The following METTL15 variants were observed in gnomAD, a reference collection of about 807,000 sequenced individuals.
METTL15 encodes 12S rRNA N(4)-cytidine methyltransferase METTL15.
METTL15 carries 34 observed loss-of-function variants against 38.3 expected under a neutral mutation model. The ratio of observed to expected loss-of-function variants is 0.89; its 90% confidence interval spans 0.68 to 1.18. The LOEUF (loss-of-function observed/expected upper bound fraction) is 1.18, where lower values mean the gene tolerates loss of function less well. Among genes scored for constraint, METTL15 ranks in the 50% most tolerant of loss-of-function variants. The pLI, the probability that METTL15 is intolerant of heterozygous loss-of-function variation, is 0.00. For synonymous variants in METTL15, 162 were observed against 170.9 expected (o/e 0.95, Z 0.41); for missense variants, 438 against 498.4 (o/e 0.88, Z 1.15).
intron 3 of METTL15, chr11:28,197,330 T>G (rs1258638631): frequency 4.6e-6 from 1 of 215,434 alleles, no homozygotes; most frequent in Non-Finnish European, 9.9e-6. Flanking sequence ...GCTAAATTAC[T>G]TTAGGATTTA....
chr11:28,140,967 T>A (rs1342846301), intron 3 of METTL15, among the ~76,000 whole-genome samples: 1 of 152,224 alleles, frequency 6.6e-6, no homozygotes, highest in Non-Finnish European at 1.5e-5. Flanking sequence ...TGCCTGAAGC[T>A]GGCTAACTCC....
chr11:28,300,619 A>G (rs899549915), intron 6 of METTL15, among the ~76,000 whole-genome samples: 9 of 152,178 alleles, frequency 5.9e-5, no homozygotes, highest in Non-Finnish European at 1.3e-4. Context: ...AGTAATTTAT[A>G]AGCAACTTAC....
chr11:28,143,515 A>G (rs1448669459), intron 3 of METTL15, among the ~76,000 whole-genome samples: 1 of 152,108 alleles, frequency 6.6e-6, no homozygotes, highest in Non-Finnish European at 1.5e-5. Context: ...GGCTAGTTTT[A>G]TTCTAATTCA....
At chr11:28,327,074 A>G (rs1020115626) in intron 6 of METTL15, among the ~76,000 whole-genome samples, 3 of 152,182 alleles carry the variant, frequency 2.0e-5, no homozygotes, top group African/African-American at 4.8e-5. Context: ...AGTTTAACCT[A>G]TCTAAAATAA....
intron 3 of METTL15, among the ~76,000 whole-genome samples, chr11:28,157,444 C>G (rs1312587638): frequency 6.6e-6 from 1 of 152,096 alleles, no homozygotes; most frequent in African/African-American, 2.4e-5. Flanking sequence ...TTTGGCAGGC[C>G]CCCCATAGGT....
intron 6 of METTL15, among the ~76,000 whole-genome samples, chr11:28,480,263 A>G (rs537771611): frequency 2.3e-4 from 35 of 152,280 alleles, no homozygotes; most frequent in African/African-American, 7.9e-4. Context: ...GCCATTTTCT[A>G]TGTTGTAAAT....
intron 3 of METTL15, among the ~76,000 whole-genome samples, chr11:28,132,268 T>G (rs1849363528): frequency 6.6e-6 from 1 of 152,150 alleles, no homozygotes; most frequent in Non-Finnish European, 1.5e-5. Context: ...AATGGAATAG[T>G]ATAATGGTCT....
intron 3 of METTL15, among the ~76,000 whole-genome samples, chr11:28,199,047 C>T (rs1712637735): frequency 6.6e-6 from 1 of 151,506 alleles, no homozygotes; most frequent in Non-Finnish European, 1.5e-5. Flanking sequence ...TAACACTGAC[C>T]TTACTAATTA....
At chr11:28,500,586 G>A (rs1272403720) in intron 6 of METTL15, among the ~76,000 whole-genome samples, 4 of 151,472 alleles carry the variant, frequency 2.6e-5, no homozygotes, top group Non-Finnish European at 4.4e-5. Context: ...AGGCTGGAGT[G>A]CAATGGCGAG....
intron 3 of METTL15, among the ~76,000 whole-genome samples, chr11:28,209,836 C>G (rs1355124833): frequency 6.6e-6 from 1 of 151,954 alleles, no homozygotes; most frequent in Non-Finnish European, 1.5e-5. Flanking sequence ...ACAGGAATTT[C>G]CCTTGTTATG....
chr11:28,244,038 GT>G (rs1854412284), intron 4 of METTL15, among the ~76,000 whole-genome samples: 1 of 152,070 alleles, frequency 6.6e-6, no homozygotes, highest in African/African-American at 2.4e-5. Context: ...CAAAACAGAT[GT>G]TTTTTAAAGT....
chr11:28,515,807 A>G (rs953503057), intron 6 of METTL15, among the ~76,000 whole-genome samples: 1 of 152,262 alleles, frequency 6.6e-6, no homozygotes, highest in Non-Finnish European at 1.5e-5. Context: ...CAGGCAAGAC[A>G]CATATTTCCC....
chr11:28,132,813 AT>A (rs1316014838), intron 3 of METTL15, among the ~76,000 whole-genome samples: 6 of 152,010 alleles, frequency 3.9e-5, no homozygotes, highest in Non-Finnish European at 8.8e-5. Flanking sequence ...AAAATCTTCT[AT>A]TTTCCCCACT....
At chr11:28,450,438 A>T (rs144128541) in intron 6 of METTL15, among the ~76,000 whole-genome samples, 1 of 152,240 alleles carries the variant, frequency 6.6e-6, no homozygotes, top group African/African-American at 2.4e-5. Context: ...ATATGATAAT[A>T]CTAATCTCAC....
intron 6 of METTL15, among the ~76,000 whole-genome samples, chr11:28,329,775 C>G (rs938327717): frequency 6.6e-6 from 1 of 152,046 alleles, no homozygotes; most frequent in Non-Finnish European, 1.5e-5. Context: ...AGTGGATTGT[C>G]TCACTTTTTA....
intron 4 of METTL15, among the ~76,000 whole-genome samples, chr11:28,358,746 A>C (rs1850111070): frequency 1.3e-5 from 2 of 152,210 alleles, no homozygotes; most frequent in Admixed American, 6.5e-5. Context: ...CTAGCATGGA[A>C]TCTCACACAG....
intron 5 of METTL15, among the ~76,000 whole-genome samples, chr11:28,383,580 C>A (rs1376636917): frequency 2.6e-5 from 4 of 152,160 alleles, no homozygotes; most frequent in African/African-American, 9.6e-5. Flanking sequence ...TACATTCCCA[C>A]CAGCAGTGTG....
At chr11:28,512,886 G>T (rs183771869) in intron 6 of METTL15, among the ~76,000 whole-genome samples, 17 of 152,316 alleles carry the variant, frequency 1.1e-4, no homozygotes, top group Non-Finnish European at 5.9e-5. Flanking sequence ...CCAGCATGCT[G>T]TCACCTCTCA....
At chr11:28,404,323 G>T (rs1365118363) in intron 5 of METTL15, among the ~76,000 whole-genome samples, 1 of 151,950 alleles carries the variant, frequency 6.6e-6, no homozygotes, top group African/African-American at 2.4e-5. Flanking sequence ...CTATAACAAA[G>T]TATACCCTAA....
Sources: gnomAD v4.1 joint callset for allele counts (sites outside exome capture counted in the v4.1 genomes callset) on GRCh38, gnomAD v4.1.1 for gene constraint, MANE v1.5 for transcripts, NCBI Gene and HGNC (gene_info 2026-07-23, HGNC 2026-07-21) for gene names.